The following SCAI variants were observed in gnomAD, a reference collection of about 807,000 sequenced individuals.
The protein encoded by SCAI is suppressor of cancer cell invasion, also known as protein SCAI.
SCAI carries 24 observed loss-of-function variants against 92.2 expected under a neutral mutation model. That is an observed-to-expected ratio of 0.26 (90% CI 0.19 to 0.37). The LOEUF (loss-of-function observed/expected upper bound fraction) is 0.37. SCAI is among the 10% of genes least tolerant of loss of function. The pLI, the probability that SCAI is intolerant of heterozygous loss-of-function variation, is 1.00. For missense variants in SCAI, 450 were observed against 736.2 expected (o/e 0.61, Z 4.50); for synonymous variants, 261 against 258.6 (o/e 1.01, Z -0.09).
intron 2 of SCAI, chr9:125,142,400 G>A: frequency 2.6e-6 from 1 of 379,682 alleles, no homozygotes; most frequent in Non-Finnish European, 4.7e-6. Flanking sequence ...AAGTAAAAAA[G>A]TAGGATTTCT....
chr9:125,067,088 T>G (rs1833888218), intron 2 of SCAI, among the ~76,000 whole-genome samples: 1 of 152,164 alleles, frequency 6.6e-6, no homozygotes, highest in East Asian at 1.9e-4. Context: ...ATAAATTATG[T>G]GGGCAGACTG....
At chr9:125,077,966 C>T (rs1028940621) in intron 2 of SCAI, among the ~76,000 whole-genome samples, 1 of 151,760 alleles carries the variant, frequency 6.6e-6, no homozygotes, top group Non-Finnish European at 1.5e-5. Flanking sequence ...TGATCCACAC[C>T]CCCCCCGCCT....
chr9:125,050,696 C>T (rs1833543571), intron 3 of SCAI, among the ~76,000 whole-genome samples: 1 of 152,104 alleles, frequency 6.6e-6, no homozygotes, highest in Non-Finnish European at 1.5e-5. Context: ...CCTCAGCCTC[C>T]CAAGTTGCTG....
At chr9:124,974,980 C>T (rs540346146) in intron 15 of SCAI, among the ~76,000 whole-genome samples, 1 of 152,036 alleles carries the variant, frequency 6.6e-6, no homozygotes, top group South Asian at 2.1e-4. Flanking sequence ...TCTTTCAGAC[C>T]GAATAATCTT....
At chr9:125,036,099 A>G (rs1203607367) in intron 3 of SCAI, among the ~76,000 whole-genome samples, 4 of 152,060 alleles carry the variant, frequency 2.6e-5, no homozygotes, top group Admixed American at 1.3e-4. Context: ...GCAATAAGCC[A>G]TCATTGCACC....
chr9:125,101,324 G>GT (rs1295294788), intron 2 of SCAI, among the ~76,000 whole-genome samples: 2 of 152,222 alleles, frequency 1.3e-5, no homozygotes, highest in African/African-American at 4.8e-5. Context: ...AGGGAAGCCA[G>GT]TTGTAAGACT....
At chr9:125,037,675 G>A (rs940955347) in intron 3 of SCAI, among the ~76,000 whole-genome samples, 1 of 152,166 alleles carries the variant, frequency 6.6e-6, no homozygotes, top group African/African-American at 2.4e-5. Context: ...AGCACTTTGG[G>A]AGGCCAAGGC....
intron 2 of SCAI, among the ~76,000 whole-genome samples, chr9:125,126,166 A>T (rs949219320): frequency 1.3e-5 from 2 of 152,138 alleles, no homozygotes; most frequent in Non-Finnish European, 2.9e-5. Flanking sequence ...GAGTAGGAGG[A>T]TCCCTGTTCA....
intron 2 of SCAI, among the ~76,000 whole-genome samples, chr9:125,076,615 A>C (rs925720418): frequency 6.6e-6 from 1 of 152,324 alleles, no homozygotes; most frequent in African/African-American, 2.4e-5. Flanking sequence ...CTGTAATCCC[A>C]GCACTTTGGG....
At chr9:124,954,449 A>G (rs1450479230) in intron 17 of SCAI, among the ~76,000 whole-genome samples, 5 of 152,226 alleles carry the variant, frequency 3.3e-5, no homozygotes, top group Admixed American at 3.3e-4. Flanking sequence ...TAGTTACACA[A>G]TCCTCCCACT....
intron 14 of SCAI, among the ~76,000 whole-genome samples, chr9:124,986,344 A>T (rs957659627): frequency 1.3e-5 from 2 of 152,258 alleles, no homozygotes; most frequent in African/African-American, 4.8e-5. Context: ...AGAATGACAT[A>T]TAATTTATCA....
In SCAI at chr9:125,142,769, A is replaced by G. The variant is rs529758526; in HGVS notation, c.54-92T>C. The G allele has an allele frequency of 8.9e-5, 92 of 1,036,438 alleles. 1 individual carries two copies. The African/African-American group carries it at 1.2e-3, about 14-fold the overall frequency. The allele number at this position is 1,036,438 out of a possible 1,614,324, so 64.2% of individuals were successfully genotyped here. A position where few individuals can be genotyped will look rare whatever the true frequency, so the allele number is the denominator to read the frequency against. ...GTGCCAGTCAAGAACTAAATAGACC[A>G]CCCTCTGGGACCACAGGCTCGCCAA... is the stretch of plus-strand genomic sequence containing the variant. On this transcript the variant is annotated intron_variant, in intron 1 of 17. Coordinates refer to ENST00000336505, the MANE Select transcript of SCAI (RefSeq NM_001144877.3).
intron 2 of SCAI, among the ~76,000 whole-genome samples, chr9:125,136,456 C>CTTTTTTTTTTTTT (rs1167871254): frequency 2.1e-5 from 2 of 95,226 alleles, no homozygotes; most frequent in Non-Finnish European, 4.1e-5. Flanking sequence ...TAATACCTTT[C>CTTTTTTTTTTTTT]TTTTTTTTTT....
intron 14 of SCAI, among the ~76,000 whole-genome samples, chr9:124,993,458 C>T (rs1302935290): frequency 2.0e-5 from 3 of 152,228 alleles, no homozygotes; most frequent in South Asian, 2.1e-4. Flanking sequence ...GGCATAGTGG[C>T]GCATGCCTGT....
chr9:125,100,237 A>G (rs541309431), intron 2 of SCAI, among the ~76,000 whole-genome samples: 1 of 152,378 alleles, frequency 6.6e-6, no homozygotes, highest in African/African-American at 2.4e-5. Context: ...CATATATGTC[A>G]GAAGTGGCCC....
intron 9 of SCAI, among the ~76,000 whole-genome samples, chr9:125,005,477 A>G (rs1377598112): frequency 2.0e-5 from 3 of 152,124 alleles, no homozygotes; most frequent in African/African-American, 7.2e-5. Context: ...GATTACAGGC[A>G]TGTGCCACCA....
At chr9:125,107,974 G>GGC (rs1211736824) in intron 2 of SCAI, among the ~76,000 whole-genome samples, 1 of 152,190 alleles carries the variant, frequency 6.6e-6, no homozygotes, top group Non-Finnish European at 1.5e-5. Flanking sequence ...TGCGATTGCA[G>GGC]GCGCGCGCCG....
chr9:125,012,393 T>A (rs571176170), intron 9 of SCAI, among the ~76,000 whole-genome samples: 4 of 152,106 alleles, frequency 2.6e-5, no homozygotes, highest in Non-Finnish European at 5.9e-5. Flanking sequence ...TAGTCTCTGA[T>A]AAAACAGACT....
intron 2 of SCAI, among the ~76,000 whole-genome samples, chr9:125,086,631 T>C (rs1834330401): frequency 6.6e-6 from 1 of 152,210 alleles, no homozygotes; most frequent in Non-Finnish European, 1.5e-5. Flanking sequence ...GATCTAAAAA[T>C]ATGCAGATTA....
Sources: gnomAD v4.1 joint callset for allele counts (sites outside exome capture counted in the v4.1 genomes callset) on GRCh38, gnomAD v4.1.1 for gene constraint, MANE v1.5 for transcripts, NCBI Gene and HGNC (gene_info 2026-07-23, HGNC 2026-07-21) for gene names.